Variants in ZNF385D observed in about 807,000 individuals in gnomAD.
ZNF385D encodes zinc finger protein 385D.
Under a neutral mutation model 35.8 loss-of-function variants are expected in ZNF385D, and 15 were observed. The ratio of observed to expected loss-of-function variants is 0.42; its 90% CI spans 0.28 to 0.64. ZNF385D has a LOEUF of 0.64. Among genes scored for constraint, ZNF385D ranks in the 30% least tolerant of loss-of-function variants. ZNF385D has a pLI of 0.23. For synonymous variants in ZNF385D, 212 were observed against 186.8 expected (o/e 1.13, Z -1.10); for missense variants, 474 against 494.6 (o/e 0.96, Z 0.39).
intron 2 of ZNF385D, among the ~76,000 whole-genome samples, chr3:22,333,057 T>C (rs2125463520): frequency 6.6e-6 from 1 of 152,304 alleles, no homozygotes; most frequent in East Asian, 1.9e-4. Flanking sequence ...CCTTAAGTCC[T>C]GAATATTATT....
chr3:22,140,719 A>T (rs1286942622), intron 3 of ZNF385D, among the ~76,000 whole-genome samples: 1 of 152,242 alleles, frequency 6.6e-6, no homozygotes, highest in Non-Finnish European at 1.5e-5. Flanking sequence ...TTTCAATAAA[A>T]AGCTAAAATG....
At chr3:21,945,041 A>G (rs1701706466) in intron 3 of ZNF385D, among the ~76,000 whole-genome samples, 1 of 152,074 alleles carries the variant, frequency 6.6e-6, no homozygotes, top group Non-Finnish European at 1.5e-5. Context: ...CTTAGAAAAT[A>G]TACATCATAA....
intron 1 of ZNF385D, among the ~76,000 whole-genome samples, chr3:21,743,323 A>C (rs7626282): frequency 0.2 from 31,002 of 152,010 alleles, 4,137 homozygotes; most frequent in African/African-American, 0.36. Context: ...TACAGTATAC[A>C]ATTAATATAA....
intron 3 of ZNF385D, among the ~76,000 whole-genome samples, chr3:21,958,679 C>T (rs1399249957): frequency 6.6e-6 from 1 of 152,050 alleles, no homozygotes; most frequent in Non-Finnish European, 1.5e-5. Flanking sequence ...ACTGCATAAC[C>T]TATTTTTCTA....
intron 3 of ZNF385D, among the ~76,000 whole-genome samples, chr3:22,043,666 A>C (rs1483388305): frequency 7.8e-6 from 1 of 128,604 alleles, no homozygotes. Flanking sequence ...ATGCCCCACC[A>C]GTGACCCTTG....
intron 3 of ZNF385D, among the ~76,000 whole-genome samples, chr3:22,057,328 G>A (rs1467710458): frequency 6.6e-6 from 1 of 152,114 alleles, no homozygotes; most frequent in Admixed American, 6.5e-5. Flanking sequence ...AAAGTGACTA[G>A]CACTGTTCCT....
Position 22,093,496 on chromosome 3 carries a change from A to G in ZNF385D, c.325+75321T>C, listed in dbSNP as rs74285157. Among the ~76,000 whole-genome samples the G allele has an allele frequency of 1.4e-4, 21 of 152,192 alleles. No homozygotes were observed. In the East Asian group the frequency reaches 4.1e-3, roughly 29 times the overall value. On this transcript the variant is annotated intron_variant, in intron 3 of 5. Transcript: ENST00000494108. The stretch of plus-strand genomic sequence containing the variant: ...CAAAATTTATCTTTCACAAAGGATA[A>G]TATTAAAGGTCTATTTATTTATAAG...
chr3:22,152,336 A>G (rs1050556606), intron 3 of ZNF385D, among the ~76,000 whole-genome samples: 1 of 152,184 alleles, frequency 6.6e-6, no homozygotes, highest in East Asian at 1.9e-4. Context: ...CATACCACTT[A>G]GGAAAATGAC....
At chr3:22,315,748 G>T in intron 2 of ZNF385D, among the ~76,000 whole-genome samples, 1 of 152,118 alleles carries the variant, frequency 6.6e-6, no homozygotes, top group Admixed American at 6.6e-5. Flanking sequence ...CCAGGAAAAA[G>T]CCAAGCTCAC....
At chr3:21,698,518 T>C (rs554492628) in intron 1 of ZNF385D, among the ~76,000 whole-genome samples, 3 of 152,134 alleles carry the variant, frequency 2.0e-5, no homozygotes, top group Non-Finnish European at 4.4e-5. Flanking sequence ...GTTCACTACT[T>C]GGTTGATGGA....
intron 1 of ZNF385D, among the ~76,000 whole-genome samples, chr3:21,733,092 T>G (rs561613565): frequency 6.1e-4 from 93 of 151,656 alleles, no homozygotes; most frequent in African/African-American, 2.0e-3. Flanking sequence ...TTGTCTAAAT[T>G]CATTTTTTTT....
In ZNF385D at chr3:22,360,389, C is replaced by T. The variant is rs538595073; in HGVS notation, c.106+12061G>A. 8.6e-5 allele frequency among the ~76,000 whole-genome samples: 13 copies of T among 152,000 alleles called. No individual in the cohort carries two copies. The South Asian group carries it at 1.2e-3, about 15-fold the overall frequency. On this transcript the variant is annotated intron_variant, in intron 2 of 5. Transcript: ENST00000494108. ...CATTATACTCCCATCCATACACAGACGCACTCATGAAGTCAGTGCCACAGG... is the reference window on the plus strand; with the variant it reads ...CATTATACTCCCATCCATACACAGATGCACTCATGAAGTCAGTGCCACAGG...
chr3:22,349,986 T>C (rs1695842945), intron 2 of ZNF385D, among the ~76,000 whole-genome samples: 1 of 152,168 alleles, frequency 6.6e-6, no homozygotes. Context: ...GAAATAAACC[T>C]TGGCTATGTT....
intron 3 of ZNF385D, among the ~76,000 whole-genome samples, chr3:21,980,384 T>C (rs923230698): frequency 6.6e-6 from 1 of 152,142 alleles, no homozygotes; most frequent in African/African-American, 2.4e-5. Context: ...CCACTAAATT[T>C]TGGGGAGATT....
chr3:21,664,858 G>A (rs1383180391), intron 2 of ZNF385D, 28 bp downstream of exon 2: 4 of 1,613,136 alleles, frequency 2.5e-6, no homozygotes, highest in Admixed American at 3.3e-5. Context: ...CTTCCACTCA[G>A]GCAAAGACAA....
intron 3 of ZNF385D, among the ~76,000 whole-genome samples, chr3:22,094,385 G>GAGATATATATATATAT (rs1491256865): frequency 0.023 from 1,635 of 70,498 alleles, 30 homozygotes; most frequent in Middle Eastern, 0.036. Flanking sequence ...ATTTATTGTT[G>GAGATATATATATATAT]ATATATATAT....
At chr3:21,683,675 G>A (rs749157345) in intron 1 of ZNF385D, among the ~76,000 whole-genome samples, 2 of 149,878 alleles carry the variant, frequency 1.3e-5, no homozygotes, top group East Asian at 2.0e-4. Flanking sequence ...GTTCAAAAGC[G>A]AAGAGCATTC....
chr3:22,230,897 G>T (rs1698849188), intron 2 of ZNF385D, among the ~76,000 whole-genome samples: 1 of 152,180 alleles, frequency 6.6e-6, no homozygotes, highest in East Asian at 1.9e-4. Flanking sequence ...AAATAACTCA[G>T]GAAAAAGATG....
intron 2 of ZNF385D, among the ~76,000 whole-genome samples, chr3:22,212,609 G>T (rs1350452473): frequency 6.6e-6 from 1 of 151,842 alleles, no homozygotes; most frequent in African/African-American, 2.4e-5. Flanking sequence ...CTTTCAAGTG[G>T]CTATTTTAAA....
Sources: allele counts gnomAD v4.1 joint callset (sites outside exome capture counted in the v4.1 genomes callset), GRCh38; gene constraint gnomAD v4.1.1; transcripts MANE v1.5; gene names NCBI Gene and HGNC (gene_info 2026-07-23, HGNC 2026-07-21).